The following TLK2 variants were observed in gnomAD, a reference collection of about 807,000 sequenced individuals.
The protein encoded by TLK2 is tousled like kinase 2, also known as serine/threonine-protein kinase tousled-like 2.
Under a neutral mutation model 117.3 loss-of-function variants are expected in TLK2, and 6 were observed. The ratio of observed to expected loss-of-function variants is 0.05; its 90% confidence interval spans 0.03 to 0.10. TLK2 has a LOEUF of 0.10. Ranked by LOEUF, TLK2 falls within the 10% of genes least tolerant of loss-of-function variation. TLK2 has a pLI of 1.00. For missense variants in TLK2, 299 were observed against 901.2 expected (o/e 0.33, Z 8.56); for synonymous variants, 257 against 316.7 (o/e 0.81, Z 2.00).
intron 2 of TLK2, among the ~76,000 whole-genome samples, chr17:62,516,162 T>C (rs560962798): frequency 6.6e-6 from 1 of 152,140 alleles, no homozygotes; most frequent in South Asian, 2.1e-4. Flanking sequence ...TGAACTCAGG[T>C]GATCCGCTCA....
intron 7 of TLK2, among the ~76,000 whole-genome samples, chr17:62,543,084 A>C (rs1188117527): frequency 6.6e-6 from 1 of 152,180 alleles, no homozygotes; most frequent in Non-Finnish European, 1.5e-5. Context: ...TTAATTACTA[A>C]TGAGGCTTTT....
intron 2 of TLK2, among the ~76,000 whole-genome samples, chr17:62,495,186 T>C (rs1249744298): frequency 6.6e-6 from 1 of 151,590 alleles, no homozygotes; most frequent in Non-Finnish European, 1.5e-5. Flanking sequence ...AGGAAACGAT[T>C]ACTGTAGATA....
chr17:62,579,859 G>C (rs2081081045), intron 14 of TLK2, among the ~76,000 whole-genome samples: 1 of 152,158 alleles, frequency 6.6e-6, no homozygotes, highest in Non-Finnish European at 1.5e-5. Flanking sequence ...GAGCAAGAAA[G>C]GTCTAGTGTA....
At chr17:62,587,042 C>T (rs2081665427) in intron 16 of TLK2, among the ~76,000 whole-genome samples, 1 of 151,958 alleles carries the variant, frequency 6.6e-6, no homozygotes, top group African/African-American at 2.4e-5. Flanking sequence ...CAGGGTCCCA[C>T]TTCTGTGCTT....
chr17:62,549,387 A>T (rs1198158746), intron 7 of TLK2, among the ~76,000 whole-genome samples: 1 of 121,066 alleles, frequency 8.3e-6, no homozygotes, highest in Non-Finnish European at 1.7e-5. Context: ...TGACAGAGCA[A>T]GACTCCATCT....
chr17:62,555,521 C>T (rs1462041807), intron 9 of TLK2, among the ~76,000 whole-genome samples: 4 of 146,448 alleles, frequency 2.7e-5, no homozygotes, highest in South Asian at 2.1e-4. Flanking sequence ...CTTGCTCTGT[C>T]GCCCAGGCTG....
rs58981202 is a variant in TLK2 at position 62,532,169 on chromosome 17, G to GT, written c.364-3994dup. On this transcript the variant is annotated intron_variant, in intron 6 of 21. Transcript: ENST00000346027. Reference sequence around the variant, plus strand: ...TTATCAACTCTTCAGTGCTTTTAATGTTTTTTTGTTGTTGTTGTTGTTGTT... The same window carrying GT: ...TTATCAACTCTTCAGTGCTTTTAATGTTTTTTTTGTTGTTGTTGTTGTTGTT... Among the ~76,000 whole-genome samples the GT allele has an allele frequency of 7.5e-3, 1,136 of 151,984 alleles. 22 individuals carry two copies. The highest frequency in any genetic ancestry group is 0.025 in the African/African-American group (1,023 of 41,420).
intron 11 of TLK2, among the ~76,000 whole-genome samples, chr17:62,572,145 C>G (rs1302347683): frequency 6.6e-6 from 1 of 150,686 alleles, no homozygotes; most frequent in Non-Finnish European, 1.5e-5. Flanking sequence ...CCACTGCATC[C>G]CAGCCTGGGC....
At chr17:62,529,987 G>A (rs1280439979) in intron 6 of TLK2, among the ~76,000 whole-genome samples, 1 of 152,060 alleles carries the variant, frequency 6.6e-6, no homozygotes, top group East Asian at 1.9e-4. Flanking sequence ...AGGATTACTC[G>A]AGCTCAGGAG....
At chr17:62,597,733 A>T (rs1029145608) in intron 17 of TLK2, among the ~76,000 whole-genome samples, 3 of 152,168 alleles carry the variant, frequency 2.0e-5, no homozygotes, top group Non-Finnish European at 4.4e-5. Context: ...GATTTTGAGG[A>T]CCAGAGAAGT....
intron 13 of TLK2, 120 bp from the exon 14 acceptor site, chr17:62,578,357 A>G: frequency 1.4e-6 from 1 of 734,702 alleles, no homozygotes; most frequent in Non-Finnish European, 2.3e-6. Context: ...GAAATCTTTC[A>G]ATGCAAAGCA....
At chr17:62,563,449 T>TA (rs796168706) in intron 10 of TLK2, among the ~76,000 whole-genome samples, 180 of 150,436 alleles carry the variant, frequency 1.2e-3, no homozygotes, top group African/African-American at 4.1e-3. Context: ...TCTCTTAAAA[T>TA]AAAAAAAAAG....
intron 2 of TLK2, among the ~76,000 whole-genome samples, chr17:62,498,044 C>A (rs1400049640): frequency 6.6e-6 from 1 of 152,112 alleles, no homozygotes; most frequent in Admixed American, 6.6e-5. Flanking sequence ...AATTCAGAAA[C>A]CCTCATTATT....
At chr17:62,578,181 G>A (rs1005008285) in intron 13 of TLK2, among the ~76,000 whole-genome samples, 1 of 152,158 alleles carries the variant, frequency 6.6e-6, no homozygotes, top group African/African-American at 2.4e-5. Flanking sequence ...AAACATTCCT[G>A]AAAACTTATG....
chr17:62,534,918 G>A (rs1279315160), intron 6 of TLK2, among the ~76,000 whole-genome samples: 2 of 119,790 alleles, frequency 1.7e-5, no homozygotes, highest in South Asian at 5.6e-4. Context: ...AGATAGAGTC[G>A]CTCTCTGTTA....
chr17:62,475,063 CCT>C (rs2071012146), upstream of TLK2, among the ~76,000 whole-genome samples: 1 of 152,088 alleles, frequency 6.6e-6, no homozygotes, highest in Non-Finnish European at 1.5e-5. Context: ...AACAAAATCC[CCT>C]TAGAGCTCTT....
At chr17:62,541,731 T>G (rs1275670436) in intron 7 of TLK2, among the ~76,000 whole-genome samples, 1 of 142,800 alleles carries the variant, frequency 7.0e-6, no homozygotes, top group African/African-American at 2.6e-5. Flanking sequence ...GTTCAAGCAA[T>G]TCTCTTGCCT....
At chr17:62,560,933 C>G (rs1268458772) in intron 10 of TLK2, among the ~76,000 whole-genome samples, 1 of 152,058 alleles carries the variant, frequency 6.6e-6, no homozygotes, top group Non-Finnish European at 1.5e-5. Flanking sequence ...TCCATCAACT[C>G]GTCATTTAAC....
intron 2 of TLK2, among the ~76,000 whole-genome samples, chr17:62,501,364 A>G (rs2074180054): frequency 6.6e-6 from 1 of 152,240 alleles, no homozygotes; most frequent in South Asian, 2.1e-4. Context: ...GTCTAAAATC[A>G]GTGACCTAAC....
Sources: allele counts gnomAD v4.1 joint callset (sites outside exome capture counted in the v4.1 genomes callset), GRCh38; gene constraint gnomAD v4.1.1; transcripts MANE v1.5; gene names NCBI Gene and HGNC (gene_info 2026-07-23, HGNC 2026-07-21).